The following PLCG2 variants were observed in gnomAD, a reference collection of about 807,000 sequenced individuals.
PLCG2 encodes 1-phosphatidylinositol 4,5-bisphosphate phosphodiesterase gamma-2.
Under a neutral mutation model 175.6 loss-of-function variants are expected in PLCG2, and 69 were observed. The observed-to-expected ratio is 0.39, with a 90% CI of 0.32 to 0.48. The LOEUF (loss-of-function observed/expected upper bound fraction) is 0.48. Among genes scored for constraint, PLCG2 ranks in the 20% least tolerant of loss-of-function variants. PLCG2 has a pLI of 0.91. For synonymous variants in PLCG2, 827 were observed against 624.0 expected (o/e 1.33, Z -4.85); for missense variants, 1,798 against 1,650.9 (o/e 1.09, Z -1.54).
Position 81,935,624 on chromosome 16 carries a change from C to T in PLCG2, c.2843-545C>T, listed in dbSNP as rs548175376. Reference sequence around the variant, plus strand: ...GGAACTTCTACCTTCAGGGACTCAGCAGGCTCAGCATGTTGACTGCCGGGC... The same window carrying T: ...GGAACTTCTACCTTCAGGGACTCAGTAGGCTCAGCATGTTGACTGCCGGGC... On this transcript the variant is annotated intron_variant, in intron 26 of 32. Transcript: ENST00000564138. 6.7e-5 allele frequency: 66 copies of T among 985,376 alleles called. No homozygotes were observed. In the African/African-American group the frequency reaches 1.0e-3, roughly 15 times the overall value. 61.0% of individuals were successfully genotyped at this position (985,376 alleles called of 1,614,324 possible). A position where few individuals can be genotyped will look rare whatever the true frequency, so the allele number is the denominator to read the frequency against.
At chr16:81,789,404 C>A (rs1020780139) in intron 2 of PLCG2, among the ~76,000 whole-genome samples, 2 of 152,224 alleles carry the variant, frequency 1.3e-5, no homozygotes, top group Non-Finnish European at 2.9e-5. Flanking sequence ...GATCCTCCTG[C>A]CCAGTCTCCC....
At chr16:81,932,875 T>C (rs1027679300) in intron 25 of PLCG2, among the ~76,000 whole-genome samples, 1 of 152,236 alleles carries the variant, frequency 6.6e-6, no homozygotes, top group South Asian at 2.1e-4. Flanking sequence ...CCAGCTGCGC[T>C]GTCCTTCTGG....
chr16:81,841,739 C>T (rs1905843720), intron 2 of PLCG2, among the ~76,000 whole-genome samples: 2 of 152,134 alleles, frequency 1.3e-5, no homozygotes. Context: ...ACCGTGTGTG[C>T]CTCGGAAGCC....
intron 23 of PLCG2, among the ~76,000 whole-genome samples, chr16:81,927,420 T>G (rs373527417): frequency 1.3e-5 from 2 of 152,206 alleles, no homozygotes; most frequent in African/African-American, 2.4e-5. Context: ...GATTTCATTA[T>G]GCAGGAGAAT....
chr16:81,761,630 C>G (rs1001416919), intron 2 of PLCG2, among the ~76,000 whole-genome samples: 1 of 152,246 alleles, frequency 6.6e-6, no homozygotes, highest in Non-Finnish European at 1.5e-5. Context: ...GAACACCCCT[C>G]ATGGGTTGGG....
Position 81,805,776 on chromosome 16 carries a change from T to G in PLCG2, c.193+19594T>G, listed in dbSNP as rs1304794241. On this transcript the variant is annotated intron_variant, in intron 2 of 32. Transcript: ENST00000564138. ...AGTAGTGTTTTGTTTTGTTTTTTTT[T>G]TTTTTTGTTTTTTTTTTTTTTTGCT... Among the ~76,000 whole-genome samples, 90 of 114,104 alleles carry G rather than the reference T, an allele frequency of 7.9e-4. 1 individual carries two copies. The highest frequency in any genetic ancestry group is 3.7e-3 in the East Asian group (18 of 4,828). The allele number at this position is 114,104 out of a possible 152,430, so 74.9% of individuals were successfully genotyped here. A position where few individuals can be genotyped will look rare whatever the true frequency, so the allele number is the denominator to read the frequency against.
At chr16:81,957,797 G>A (rs541849846) in intron 32 of PLCG2, among the ~76,000 whole-genome samples, 159 bp from the exon 33 acceptor site, 45 of 152,148 alleles carry the variant, frequency 3.0e-4, no homozygotes, top group Admixed American at 2.6e-3. Context: ...GAGTCTCAAC[G>A]TCTTACCAGG....
chr16:81,854,669 C>T, intron 3 of PLCG2, 82 bp downstream of exon 3: 3 of 1,244,216 alleles, frequency 2.4e-6, no homozygotes, highest in East Asian at 2.3e-5. Context: ...AGAATGCTCA[C>T]CCCTGCCTGC....
chr16:81,919,643 G>C lies in PLCG2; in HGVS notation c.2214G>C (p.Glu738Asp). ...GACTGCGCTACCCCGTGACCCCCGA[G>C]CTCCTGGAGCGCTACAATATGGTAG... ...KMRLRYPVTP[E>D]LLERYNMERD... Residue 738 changes from glutamate (E) to aspartate (D), a missense_variant, in exon 20 of 33, where the codon GAG becomes GAC. Glu to Asp is a conservative substitution (Grantham distance 45, BLOSUM62 2). Coordinates refer to ENST00000564138, the MANE Select transcript of PLCG2 (RefSeq NM_002661.5). 1 of 1,614,000 alleles carries C rather than the reference G, an allele frequency of 6.2e-7. No individual in the cohort carries two copies. The highest frequency in any genetic ancestry group is 8.5e-7 in the Non-Finnish European group (1 of 1,179,902).
Position 81,956,962 on chromosome 16 carries a change from A to G in PLCG2, c.3755+83A>G. On this transcript the variant is annotated intron_variant, in intron 32 of 32. Coordinates refer to ENST00000564138, the MANE Select transcript of PLCG2 (RefSeq NM_002661.5). ...TGGGCACCACGGGCCAGGCTTCTGGAAAGCCCTCTGAGTTGCTTTCTTCAG... is the reference window on the plus strand; with the variant it reads ...TGGGCACCACGGGCCAGGCTTCTGGGAAGCCCTCTGAGTTGCTTTCTTCAG... 2.4e-6 allele frequency: 3 copies of G among 1,233,118 alleles called. No homozygotes were observed. In the South Asian group the frequency reaches 4.2e-5, roughly 17 times the overall value. 76.4% of individuals were successfully genotyped at this position (1,233,118 alleles called of 1,614,324 possible).
chr16:81,854,584 G>A lies in PLCG2; in HGVS notation c.334G>A (p.Ala112Thr). 1.2e-6 allele frequency: 2 copies of A among 1,613,540 alleles called. No homozygotes were observed. The highest frequency in any genetic ancestry group is 1.7e-6 in the Non-Finnish European group (2 of 1,179,538). ...TQFVLSTLSLAADSKEDAVNW... is the reference protein window; with the variant it reads ...TQFVLSTLSLTADSKEDAVNW... ...GTTCGTCCTCAGCACGCTCAGCTTGGCAGGTAGGTGCATGTTTCTGTGCCT... is the reference window on the plus strand; with the variant it reads ...GTTCGTCCTCAGCACGCTCAGCTTGACAGGTAGGTGCATGTTTCTGTGCCT... The change falls in exon 3 of 33, where the codon GCA becomes ACA. Residue 112 changes from alanine to threonine, a missense_variant. Physicochemically the swap from Ala to Thr is moderately conservative, Grantham distance 58 (BLOSUM62 0). Coordinates refer to ENST00000564138, the MANE Select transcript of PLCG2 (RefSeq NM_002661.5).
intron 12 of PLCG2, among the ~76,000 whole-genome samples, chr16:81,895,012 A>T (rs1293244370): frequency 1.3e-5 from 2 of 152,144 alleles, no homozygotes; most frequent in African/African-American, 4.8e-5. Context: ...CCCGTTTATG[A>T]TTTTTCTCCT....
At chr16:81,911,777 A>G (rs547256426) in intron 18 of PLCG2, among the ~76,000 whole-genome samples, 124 of 110,186 alleles carry the variant, frequency 1.1e-3, no homozygotes, top group Non-Finnish European at 1.7e-3. Context: ...GGCCTGGCTA[A>G]TTTTTGTATT....
At chr16:81,764,839 C>T (rs1367110808) in intron 2 of PLCG2, among the ~76,000 whole-genome samples, 1 of 152,114 alleles carries the variant, frequency 6.6e-6, no homozygotes, top group East Asian at 1.9e-4. Context: ...CCCGTAATCC[C>T]AGTACTTTGG....
chr16:81,785,760 A>G (rs569852117), intron 1 of PLCG2, 183 bp from the exon 2 acceptor site: 8 of 477,922 alleles, frequency 1.7e-5, no homozygotes, highest in South Asian at 2.6e-5. Context: ...TTCAGTTTCC[A>G]TTTAAACCTT....
At chr16:81,823,888 T>G (rs1176325961) in intron 2 of PLCG2, among the ~76,000 whole-genome samples, 2 of 151,622 alleles carry the variant, frequency 1.3e-5, no homozygotes, top group East Asian at 3.9e-4. Context: ...CTTCCTTCTT[T>G]TCTTTCCTCC....
At chr16:81,885,106 A>C (rs1276217647) in intron 9 of PLCG2, among the ~76,000 whole-genome samples, 1 of 151,572 alleles carries the variant, frequency 6.6e-6, no homozygotes, top group African/African-American at 2.4e-5. Flanking sequence ...GCTGGAGTAC[A>C]ATGGCTCTGT....
At chr16:81,788,754 C>T (rs1356825236) in intron 2 of PLCG2, among the ~76,000 whole-genome samples, 1 of 152,166 alleles carries the variant, frequency 6.6e-6, no homozygotes, top group South Asian at 2.1e-4. Context: ...CCCAGTGGGT[C>T]TCTTGTGGCA....
chr16:81,855,676 T>C (rs1906648194), intron 3 of PLCG2, among the ~76,000 whole-genome samples: 1 of 152,172 alleles, frequency 6.6e-6, no homozygotes, highest in Admixed American at 6.5e-5. Flanking sequence ...AGTGCAAGCA[T>C]GATACAGTGT....
Sources: allele counts gnomAD v4.1 joint callset (sites outside exome capture counted in the v4.1 genomes callset), GRCh38; gene constraint gnomAD v4.1.1; transcripts MANE v1.5; gene names NCBI Gene and HGNC (gene_info 2026-07-23, HGNC 2026-07-21).